Variants in CCDC70 observed in about 807,000 individuals in gnomAD.
CCDC70 encodes coiled-coil domain containing 70.
In CCDC70, 4 loss-of-function variants were observed where a neutral mutation model predicts 9.1. That is an observed-to-expected ratio of 0.44 (90% CI 0.22 to 1.00). The LOEUF (loss-of-function observed/expected upper bound fraction) is 1.00, where lower values mean the gene tolerates loss of function less well. Among genes scored for constraint, CCDC70 ranks in the 50% least tolerant of loss-of-function variants. The pLI, the probability that CCDC70 is intolerant of heterozygous loss-of-function variation, is 0.25. For synonymous variants in CCDC70, 119 were observed against 94.0 expected, an observed-to-expected ratio of 1.27 and a Z score of -1.54; for missense variants, 308 against 271.3, an observed-to-expected ratio of 1.14 and a Z score of -0.95.
At position 51,865,582 on chromosome 13, in the gene CCDC70, G is replaced by C. The variant is rs753090530; in HGVS notation, c.171G>C (p.Glu57Asp). The stretch of plus-strand genomic sequence containing the variant: ...AAAAAATAGAGGACTTCAGGGAAGA[G>C]ATGTGGACTTTCCGAGGCAAGATCC... Reference protein sequence around the residue: ...FREKIEDFREEMWTFRGKIHA... With the variant: ...FREKIEDFREDMWTFRGKIHA... The change falls in exon 2 of 2, where the codon GAG becomes GAC. Residue 57 changes from glutamate (E) to aspartate (D), a missense_variant. Glu to Asp is a conservative substitution (Grantham distance 45, BLOSUM62 2). Transcript: ENST00000242819. 6.2e-7 allele frequency: 1 copy of C among 1,614,240 alleles called. No homozygotes were observed. Among genetic ancestry groups the C allele is most frequent in the East Asian group, 2.2e-5 (1 of 44,886 alleles).
At chr13:51,864,824 C>T (rs536254105) in intron 1 of CCDC70, among the ~76,000 whole-genome samples, 1 of 152,298 alleles carries the variant, frequency 6.6e-6, no homozygotes, top group South Asian at 2.1e-4. Context: ...TCGTCTCTCA[C>T]CTTTTTGTTT....
chr13:51,865,863 C>T lies in CCDC70; in HGVS notation c.452C>T (p.Ala151Val). 1 of 1,613,600 alleles carries T rather than the reference C, an allele frequency of 6.2e-7. No individual in the cohort carries two copies. Among genetic ancestry groups the T allele is most frequent in the Non-Finnish European group, 8.5e-7 (1 of 1,179,876 alleles). The change falls in exon 2 of 2, where the codon GCC becomes GTC. Residue 151 changes from alanine (A) to valine (V), a missense_variant. Transcript: ENST00000242819. ...EDKALWEEEK[A>V]LWVEERALLE... is the part of the protein sequence containing the mutation. The stretch of plus-strand genomic sequence containing the variant: ...AAGGCCCTGTGGGAGGAAGAAAAGG[C>T]CCTGTGGGTAGAGGAAAGAGCCCTC...
At position 51,865,931 on chromosome 13, in the gene CCDC70, T is replaced by G. The variant is rs1365365724; in HGVS notation, c.520T>G (p.Trp174Gly). 1 of 1,613,992 alleles carries G rather than the reference T, an allele frequency of 6.2e-7. No individual in the cohort carries two copies. Among genetic ancestry groups the G allele is most frequent in the Non-Finnish European group, 8.5e-7 (1 of 1,179,982 alleles). The change falls in exon 2 of 2, where the codon TGG becomes GGG. Residue 174 changes from tryptophan to glycine, a missense_variant. Trp to Gly is a radical substitution (Grantham distance 184, BLOSUM62 -2). Coordinates refer to ENST00000242819, the MANE Select transcript of CCDC70 (RefSeq NM_031290.4). ...CCTGTGGGAAGATAAAACGTCCCTC[T>G]GGGAGGAAGAGAATGCCCTCTGGGA... Reference protein sequence around the residue: ...KALWEDKTSLWEEENALWEEE... With the variant: ...KALWEDKTSLGEEENALWEEE...
At chr13:51,865,304 A>T in intron 1 of CCDC70, 28 bp from the exon 2 acceptor site, 2 of 1,248,958 alleles carry the variant, frequency 1.6e-6, no homozygotes, top group South Asian at 1.5e-5. Context: ...TGATACTCAT[A>T]GATCTGTCTT....
Position 51,865,511 on chromosome 13 carries a change from CTGCAGGAG to C in CCDC70, c.101_108del (p.Leu34ArgfsTer13), listed in dbSNP as rs1175039812. 10 of 1,614,090 alleles carry C rather than the reference CTGCAGGAG, an allele frequency of 6.2e-6. 1 individual carries two copies. The South Asian group carries it at 1.1e-4, about 18-fold the overall frequency. On this transcript the variant is annotated frameshift_variant, in exon 2 of 2. Transcript: ENST00000242819. LOFTEE classifies it high-confidence loss of function. ...TCGCCAGAAGAAACTAATGCACAAG[CTGCAGGAG>C]GAAAAGGCTTTTCGCGAAGAGATGA...
Position 51,865,959 on chromosome 13 carries a change from A to G in CCDC70, c.548A>G (p.Glu183Gly). ...LWEEENALWE[E>G]ERAFWMENNG... ...GAGGAAGAGAATGCCCTCTGGGAGG[A>G]AGAGAGGGCCTTCTGGATGGAGAAC... Residue 183 changes from glutamate to glycine, a missense_variant, in exon 2 of 2, where the codon GAA (glutamate) becomes GGA (glycine). Coordinates refer to ENST00000242819, the MANE Select transcript of CCDC70 (RefSeq NM_031290.4). 1 of 1,614,066 alleles carries G rather than the reference A, an allele frequency of 6.2e-7. No homozygotes were observed. The highest frequency in any genetic ancestry group is 8.5e-7 in the Non-Finnish European group (1 of 1,179,990).
rs1366257332 is a variant in CCDC70, at chr13:51,865,869, G to A, written c.458G>A (p.Trp153Ter). ...CTGTGGGAGGAAGAAAAGGCCCTGT[G>A]GGTAGAGGAAAGAGCCCTCCTTGAG... ...KALWEEEKALWVEERALLEGE... is the reference protein window; with the variant it reads ...KALWEEEKAL The change falls in exon 2 of 2, where the codon TGG becomes TAG. Residue 153 changes from tryptophan (W) to a stop codon, truncating the protein, a stop_gained. Transcript: ENST00000242819. LOFTEE classifies it low-confidence loss of function (END_TRUNC). 2 of 1,613,704 alleles carry A rather than the reference G, an allele frequency of 1.2e-6. No homozygotes were observed. The highest frequency in any genetic ancestry group is 1.7e-6 in the Non-Finnish European group (2 of 1,179,910).
chr13:51,866,105 T>A lies in CCDC70; in HGVS notation c.*25T>A, dbSNP rs1956423545. Reference sequence around the variant, plus strand: ...GCCAGCATGCAGGTGCAGGGCCCTGTGGTCCAGACTCCCCTGGGTTGGGAT... The same window carrying A: ...GCCAGCATGCAGGTGCAGGGCCCTGAGGTCCAGACTCCCCTGGGTTGGGAT... On this transcript the variant is annotated 3_prime_UTR_variant, in exon 2 of 2. Transcript: ENST00000242819. 3.3e-6 allele frequency: 5 copies of A among 1,525,740 alleles called. No homozygotes were observed. The African/African-American group carries it at 7.0e-5, about 21-fold the overall frequency. 94.5% of individuals were successfully genotyped at this position (1,525,740 alleles called of 1,614,324 possible).
chr13:51,864,876 C>T (rs900012948), intron 1 of CCDC70, among the ~76,000 whole-genome samples: 7 of 152,224 alleles, frequency 4.6e-5, no homozygotes, highest in Non-Finnish European at 7.3e-5. Flanking sequence ...CTAAAATACA[C>T]TCTCCTCCTC....
chr13:51,866,112 G>C lies in CCDC70; in HGVS notation c.*32G>C. The stretch of plus-strand genomic sequence containing the variant: ...TGCAGGTGCAGGGCCCTGTGGTCCA[G>C]ACTCCCCTGGGTTGGGATTCAAGTC... On this transcript the variant is annotated 3_prime_UTR_variant, in exon 2 of 2. Coordinates refer to ENST00000242819, the MANE Select transcript of CCDC70 (RefSeq NM_031290.4). 1 of 1,517,898 alleles carries C rather than the reference G, an allele frequency of 6.6e-7. No individual in the cohort carries two copies. Among genetic ancestry groups the C allele is most frequent in the Non-Finnish European group, 8.8e-7 (1 of 1,132,590 alleles). The allele number at this position is 1,517,898 out of a possible 1,614,324, so 94.0% of individuals were successfully genotyped here. A position where few individuals can be genotyped will look rare whatever the true frequency, so the allele number is the denominator to read the frequency against.
At chr13:51,865,269 G>A in intron 1 of CCDC70, 63 bp from the exon 2 acceptor site, 1 of 853,120 alleles carries the variant, frequency 1.2e-6, no homozygotes, top group Non-Finnish European at 1.8e-6. Context: ...CAGTAGTACA[G>A]AACCAAGGGC....
In CCDC70 at chr13:51,865,281, G is replaced by A. The variant is rs528716298; in HGVS notation, c.-80-51G>A. 2.9e-5 allele frequency: 28 copies of A among 960,982 alleles called. 1 individual carries two copies. Among genetic ancestry groups the A allele is most frequent in the South Asian group, 1.7e-4 (10 of 58,764 alleles). The allele number at this position is 960,982 out of a possible 1,614,324, so 59.5% of individuals were successfully genotyped here. The stretch of plus-strand genomic sequence containing the variant: ...ATTCAGTAGTACAGAACCAAGGGCC[G>A]TCCCCTGGCATGTGATACTCATAGA... On this transcript the variant is annotated intron_variant, in intron 1 of 1. Coordinates refer to ENST00000242819, the MANE Select transcript of CCDC70 (RefSeq NM_031290.4).
intron 1 of CCDC70, among the ~76,000 whole-genome samples, chr13:51,863,181 G>C (rs976527986): frequency 4.6e-5 from 7 of 152,222 alleles, no homozygotes; most frequent in African/African-American, 1.7e-4. Context: ...GAGCTGAATA[G>C]AGCCCGTTAA....
chr13:51,863,603 C>G (rs1956396761), intron 1 of CCDC70, among the ~76,000 whole-genome samples: 1 of 151,718 alleles, frequency 6.6e-6, no homozygotes, highest in Non-Finnish European at 1.5e-5. Context: ...GTTTGTGTGA[C>G]TGGATGGATG....
intron 1 of CCDC70, among the ~76,000 whole-genome samples, chr13:51,863,443 T>C (rs73199801): frequency 6.6e-6 from 1 of 152,162 alleles, no homozygotes; most frequent in African/African-American, 2.4e-5. Flanking sequence ...ACAGGCATCC[T>C]GGCCTGACCT....
intron 1 of CCDC70, among the ~76,000 whole-genome samples, chr13:51,863,183 G>T (rs1956394078): frequency 6.6e-6 from 1 of 152,230 alleles, no homozygotes; most frequent in African/African-American, 2.4e-5. Context: ...GCTGAATAGA[G>T]CCCGTTAATA....
chr13:51,862,471 T>C (rs1485491724), intron 1 of CCDC70, among the ~76,000 whole-genome samples: 7 of 152,252 alleles, frequency 4.6e-5, no homozygotes, highest in Non-Finnish European at 1.0e-4. Flanking sequence ...AAAGAAAGTT[T>C]AGTGTTCACT....
intron 1 of CCDC70, among the ~76,000 whole-genome samples, chr13:51,862,698 GGAT>G (rs1281212798): frequency 5.3e-5 from 8 of 152,154 alleles, no homozygotes; most frequent in Non-Finnish European, 1.2e-4. Flanking sequence ...GAGTGCTGAA[GGAT>G]TCGCTAGGTG....
chr13:51,864,327 A>G (rs1956404227), intron 1 of CCDC70, among the ~76,000 whole-genome samples: 1 of 152,118 alleles, frequency 6.6e-6, no homozygotes, highest in African/African-American at 2.4e-5. Context: ...CACACCCCTT[A>G]GTCTCACCTC....
Sources: allele counts gnomAD v4.1 joint callset (sites outside exome capture counted in the v4.1 genomes callset), GRCh38; gene constraint gnomAD v4.1.1; transcripts MANE v1.5; gene names NCBI Gene and HGNC (gene_info 2026-07-23, HGNC 2026-07-21).